ECM2: variants seen among roughly 807,000 people sequenced by gnomAD.
The protein encoded by ECM2 is extracellular matrix protein 2.
Under a neutral mutation model 67.5 loss-of-function variants are expected in ECM2, and 57 were observed. That is an observed-to-expected ratio of 0.84 (90% CI 0.68 to 1.05). ECM2 has a LOEUF of 1.05. Ranked by LOEUF, ECM2 falls within the 50% of genes least tolerant of loss-of-function variation. The pLI is 0.00. For synonymous variants in ECM2, 258 were observed against 294.5 expected, an observed-to-expected ratio of 0.88 and a Z score of 1.27; for missense variants, 741 against 822.8, an observed-to-expected ratio of 0.90 and a Z score of 1.22.
downstream of ECM2, chr9:92,493,947 A>G (rs888395656): frequency 6.9e-5 from 46 of 668,548 alleles, no homozygotes; most frequent in African/African-American, 7.5e-4. Context: ...ATCTGCTGTT[A>G]ATCCAGGCCG....
chr9:92,540,360 C>T (rs1265932729), upstream of ECM2, among the ~76,000 whole-genome samples: 1 of 151,582 alleles, frequency 6.6e-6, no homozygotes, highest in Non-Finnish European at 1.5e-5. Context: ...ATCCCTTGAA[C>T]CCAGGCGGCA....
At chr9:92,534,238 G>A (rs1220787126) in intron 1 of ECM2, among the ~76,000 whole-genome samples, 1 of 152,120 alleles carries the variant, frequency 6.6e-6, no homozygotes, top group Non-Finnish European at 1.5e-5. Flanking sequence ...TTATTTGTCT[G>A]TAATATATCT....
chr9:92,550,179 C>T, the ECM2 span, among the ~76,000 whole-genome samples: 8 of 152,126 alleles, frequency 5.3e-5, no homozygotes, highest in East Asian at 1.9e-4. Context: ...AGGAGGATCA[C>T]GAGGTCAGGA....
chr9:92,532,034 A>ATTTTTTTTTTTTTTTTTTTTTTTTTT (rs58499748), intron 1 of ECM2, among the ~76,000 whole-genome samples: 8 of 98,254 alleles, frequency 8.1e-5, no homozygotes, highest in Non-Finnish European at 1.4e-4. Flanking sequence ...TTTTTATTTT[A>ATTTTTTTTTTTTTTTTTTTTTTTTTT]TTTTTTTTTT....
At chr9:92,512,244 C>G (rs41280065) in intron 4 of ECM2, 118 bp from the exon 5 acceptor site, 23,029 of 575,920 alleles carry the variant, frequency 0.04, 606 homozygotes, top group South Asian at 0.074. Flanking sequence ...GAAAGCAATA[C>G]TCAGAACAAG....
intron 1 of ECM2, among the ~76,000 whole-genome samples, chr9:92,525,112 G>GT (rs761047772): frequency 1.3e-5 from 2 of 152,116 alleles, no homozygotes; most frequent in Non-Finnish European, 2.9e-5. Flanking sequence ...GAGGCCAGGA[G>GT]TTTAAGACCA....
the ECM2 span, among the ~76,000 whole-genome samples, chr9:92,547,007 C>T: frequency 1.1e-4 from 16 of 152,062 alleles, no homozygotes; most frequent in Non-Finnish European, 1.5e-4. Flanking sequence ...GTCAGTCTCA[C>T]TAATGAACAT....
Position 92,515,078 on chromosome 9 carries a change from C to T in ECM2, c.607G>A (p.Asp203Asn). 1 of 1,614,112 alleles carries T rather than the reference C, an allele frequency of 6.2e-7. No individual in the cohort carries two copies. Among genetic ancestry groups the T allele is most frequent in the Non-Finnish European group, 8.5e-7 (1 of 1,180,022 alleles). Residue 203 changes from aspartate (D) to asparagine (N), a missense_variant, in exon 4 of 10, where the codon GAC becomes AAC. Physicochemically the swap from Asp to Asn is conservative, Grantham distance 23. Coordinates refer to ENST00000344604, the MANE Select transcript of ECM2 (RefSeq NM_001393.4). The stretch of plus-strand genomic sequence containing the variant: ...AGTGCTTCTTTTCTTACTATTCGGT[C>T]CATTCCCACCTGAGGAGGTGGCAGT... ...KQLPPPQVGM[D>N]RIVRKEALQS...
rs116438084 is a variant in ECM2, at chr9:92,532,532, G to A, written c.-28+3401C>T. 7.1e-3 allele frequency among the ~76,000 whole-genome samples: 1,081 copies of A among 151,486 alleles called. 11 individuals are homozygous for A. The highest frequency in any genetic ancestry group is 0.022 in the African/African-American group (909 of 41,306). ...TTCCCCTCATTTGTATTTTTTGTTT[G>A]TCTATCTCTTCAGTGATTCATCCTG... is the stretch of plus-strand genomic sequence containing the variant. On this transcript the variant is annotated intron_variant, in intron 1 of 9. Transcript: ENST00000344604.
intron 1 of ECM2, among the ~76,000 whole-genome samples, chr9:92,531,503 T>C (rs1005467679): frequency 6.6e-6 from 1 of 152,200 alleles, no homozygotes; most frequent in African/African-American, 2.4e-5. Flanking sequence ...AGATTTTTCA[T>C]CCTCATCACT....
chr9:92,540,884 A>G (rs1208438111), upstream of ECM2, among the ~76,000 whole-genome samples: 1 of 152,248 alleles, frequency 6.6e-6, no homozygotes, highest in Non-Finnish European at 1.5e-5. Context: ...AAAATATTAA[A>G]GAGCAAAAAT....
the ECM2 span, among the ~76,000 whole-genome samples, chr9:92,554,988 T>C: frequency 2.0e-5 from 3 of 150,588 alleles, no homozygotes; most frequent in Admixed American, 1.3e-4. Flanking sequence ...CCATCAAGGA[T>C]ATCGGTCTGT....
At chr9:92,503,220 GCTCT>G (rs779146503) in intron 7 of ECM2, among the ~76,000 whole-genome samples, 1 of 152,016 alleles carries the variant, frequency 6.6e-6, no homozygotes. Flanking sequence ...ATTATACAAG[GCTCT>G]CTATTTTATA....
In ECM2 at chr9:92,522,259, TG is replaced by T. The variant is rs571976550; in HGVS notation, c.292+315del. Among the ~76,000 whole-genome samples, 17 of 152,210 alleles carry T rather than the reference TG, an allele frequency of 1.1e-4. No individual in the cohort carries two copies. The East Asian group carries it at 3.1e-3, about 28-fold the overall frequency. Reference sequence around the variant, plus strand: ...ATGCCACCACACCCGGCTAATTTTTTGTATTTTTAGTAGAGACGGGGTTTCA... The same window carrying T: ...ATGCCACCACACCCGGCTAATTTTTTTATTTTTAGTAGAGACGGGGTTTCA... On this transcript the variant is annotated intron_variant, in intron 2 of 9. Coordinates refer to ENST00000344604, the MANE Select transcript of ECM2 (RefSeq NM_001393.4).
At chr9:92,544,213 C>T in the ECM2 span, among the ~76,000 whole-genome samples, 185 of 152,340 alleles carry the variant, frequency 1.2e-3, 2 homozygotes, top group African/African-American at 4.2e-3. Context: ...TGGTGGCTCA[C>T]GCCTATAATC....
chr9:92,509,547 G>A (rs1847211494), intron 6 of ECM2, among the ~76,000 whole-genome samples: 1 of 152,150 alleles, frequency 6.6e-6, no homozygotes, highest in Non-Finnish European at 1.5e-5. Context: ...ACAAAGAACC[G>A]ACAAAATTGT....
chr9:92,511,424 CTG>C (rs1020410956), intron 5 of ECM2, among the ~76,000 whole-genome samples: 7 of 122,990 alleles, frequency 5.7e-5, no homozygotes, highest in African/African-American at 2.8e-4. Flanking sequence ...TGTGCCTGGC[CTG>C]TTTTTTTTTT....
rs1266748361 is a variant in ECM2 at position 92,496,471 on chromosome 9, T to C, written c.1944A>G (p.Pro648=). The part of the protein sequence containing the change: ...LNNNKIRNIL[P]EEICNAEEDD... ...CCTCTTCAGCATTGCAAATTTCTTCTGGAAGAATGTTCCTAAGGAAAAATA... is the reference window on the plus strand; with the variant it reads ...CCTCTTCAGCATTGCAAATTTCTTCCGGAAGAATGTTCCTAAGGAAAAATA... Residue 648 remains proline, a synonymous_variant, in exon 10 of 10, where the codon CCA becomes CCG. Transcript: ENST00000344604. The C allele has an allele frequency of 1.2e-6, 2 of 1,609,264 alleles. No individual in the cohort carries two copies. Among genetic ancestry groups the C allele is most frequent in the East Asian group, 2.2e-5 (1 of 44,658 alleles).
intron 1 of ECM2, among the ~76,000 whole-genome samples, chr9:92,530,573 T>C (rs1229197516): frequency 6.6e-6 from 1 of 152,242 alleles, no homozygotes; most frequent in Non-Finnish European, 1.5e-5. Flanking sequence ...CTAATGATTG[T>C]AGGTATGTAC....
Sources: gnomAD v4.1 joint callset for allele counts (sites outside exome capture counted in the v4.1 genomes callset) on GRCh38, gnomAD v4.1.1 for gene constraint, MANE v1.5 for transcripts, NCBI Gene and HGNC (gene_info 2026-07-23, HGNC 2026-07-21) for gene names.